Variants in RGS6 observed in about 807,000 individuals in gnomAD.
The protein encoded by RGS6 is regulator of G-protein signaling 6.
Under a neutral mutation model 78.5 loss-of-function variants are expected in RGS6, and 30 were observed. The observed-to-expected ratio is 0.38, with a 90% confidence interval of 0.29 to 0.52. The LOEUF (loss-of-function observed/expected upper bound fraction) is 0.52. Among genes scored for constraint, RGS6 ranks in the 20% least tolerant of loss-of-function variants. The pLI is 0.85. For missense variants in RGS6, 495 were observed against 609.7 expected (o/e 0.81, Z 1.98); for synonymous variants, 206 against 206.0 (o/e 1.00, Z 0.00).
At chr14:72,044,726 A>T (rs544504590) in intron 2 of RGS6, among the ~76,000 whole-genome samples, 13 of 152,002 alleles carry the variant, frequency 8.6e-5, no homozygotes, top group Non-Finnish European at 1.8e-4. Flanking sequence ...CAAAAAAATA[A>T]GCTGAGTGTG....
chr14:72,318,042 C>A (rs925435865), intron 2 of RGS6, among the ~76,000 whole-genome samples: 1 of 152,118 alleles, frequency 6.6e-6, no homozygotes, highest in African/African-American at 2.4e-5. Flanking sequence ...TATAACCAAA[C>A]CCAAGCAGAG....
At chr14:72,413,793 G>A (rs1322124886) in intron 3 of RGS6, among the ~76,000 whole-genome samples, 1 of 152,136 alleles carries the variant, frequency 6.6e-6, no homozygotes, top group African/African-American at 2.4e-5. Flanking sequence ...GCATTTGCTT[G>A]TCTGTAAAGT....
chr14:71,881,416 T>G, the RGS6 span, among the ~76,000 whole-genome samples: 1 of 152,138 alleles, frequency 6.6e-6, no homozygotes, highest in Non-Finnish European at 1.5e-5. Flanking sequence ...CCCACCCAAA[T>G]CTCATCTTGT....
intron 2 of RGS6, among the ~76,000 whole-genome samples, chr14:72,150,212 G>A (rs935243847): frequency 6.6e-6 from 1 of 152,128 alleles, no homozygotes; most frequent in Non-Finnish European, 1.5e-5. Context: ...AAGCAAAGAA[G>A]CCCATGGGGA....
chr14:72,590,030 A>G, the RGS6 span, among the ~76,000 whole-genome samples: 3 of 152,226 alleles, frequency 2.0e-5, no homozygotes, highest in African/African-American at 7.2e-5. Context: ...GGCCAGTAAC[A>G]CATGAAAAGA....
At chr14:72,318,756 A>T (rs2239251) in intron 2 of RGS6, among the ~76,000 whole-genome samples, 18,640 of 152,202 alleles carry the variant, frequency 0.12, 1,151 homozygotes, top group East Asian at 0.17. Flanking sequence ...TGGCAAGGGT[A>T]TTGCAAGACT....
chr14:71,890,358 C>CAGACAGAGAGAGAGAGAGAGAGAG, the RGS6 span, among the ~76,000 whole-genome samples: 84 of 133,086 alleles, frequency 6.3e-4, no homozygotes, highest in African/African-American at 1.9e-3. Context: ...GTGCATAAGA[C>CAGACAGAGAGAGAGAGAGAGAGAG]AGAGAGAGAG....
intron 3 of RGS6, among the ~76,000 whole-genome samples, chr14:72,398,161 G>A (rs973251508): frequency 6.6e-6 from 1 of 152,130 alleles, no homozygotes; most frequent in African/African-American, 2.4e-5. Flanking sequence ...GTAGAATTCG[G>A]CTGTGAATCC....
intron 4 of RGS6, 109 bp from the exon 5 acceptor site, chr14:72,458,162 A>C: frequency 1.2e-6 from 1 of 805,250 alleles, no homozygotes; most frequent in Non-Finnish European, 2.0e-6. Context: ...TTGTATCATC[A>C]ACACAGACAT....
chr14:72,277,325 C>CAT (rs2060837965), intron 2 of RGS6, among the ~76,000 whole-genome samples: 1 of 152,110 alleles, frequency 6.6e-6, no homozygotes, highest in Non-Finnish European at 1.5e-5. Flanking sequence ...TAGCCGGGTG[C>CAT]GGTGGCTCAC....
chr14:72,025,003 A>G (rs955470171), intron 2 of RGS6, among the ~76,000 whole-genome samples: 1 of 152,204 alleles, frequency 6.6e-6, no homozygotes, highest in South Asian at 2.1e-4. Context: ...AAACCTAATT[A>G]AGGGTACTAG....
rs1426823027 is a variant in RGS6, at chr14:72,073,902, A to G, written c.84+109027A>G. On this transcript the variant is annotated intron_variant, in intron 2 of 17. Transcript: ENST00000553525. Reference sequence around the variant, plus strand: ...TATTATTGGATATTCTCTCAAAAGTATCTTGGGGGCTAAGATTTTAAATTA... The same window carrying G: ...TATTATTGGATATTCTCTCAAAAGTGTCTTGGGGGCTAAGATTTTAAATTA... Among the ~76,000 whole-genome samples the G allele has an allele frequency of 2.0e-5, 3 of 152,210 alleles. No homozygotes were observed. The East Asian group carries it at 5.8e-4, about 29-fold the overall frequency.
chr14:72,540,935 G>A (rs1486116831), intron 17 of RGS6: 5 of 985,306 alleles, frequency 5.1e-6, no homozygotes, highest in Non-Finnish European at 2.4e-6. Context: ...GTTCCCTGGG[G>A]TGCATGGCTG....
At chr14:72,113,566 A>G (rs2095819999) in intron 2 of RGS6, among the ~76,000 whole-genome samples, 1 of 152,234 alleles carries the variant, frequency 6.6e-6, no homozygotes, top group Admixed American at 6.5e-5. Context: ...ATGTTCTAAC[A>G]GTTTGCTACT....
rs80220422 is a variant in RGS6 at position 72,386,629 on chromosome 14, G to A, written c.184+34435G>A. 1.4e-4 allele frequency among the ~76,000 whole-genome samples: 22 copies of A among 152,310 alleles called. No homozygotes were observed. In the East Asian group the frequency reaches 3.9e-3, roughly 27 times the overall value. ...GTCTGTGAGCAAAGGGCCAAGGCAA[G>A]GGGCAGGAGCTCAGATGCAGGCTGT... On this transcript the variant is annotated intron_variant, in intron 3 of 17. Transcript: ENST00000553525.
intron 1 of RGS6, among the ~76,000 whole-genome samples, chr14:71,952,531 G>A (rs2092421194): frequency 6.6e-6 from 1 of 151,410 alleles, no homozygotes; most frequent in Non-Finnish European, 1.5e-5. Context: ...GTAGGAATTG[G>A]TACTGTAAAT....
At chr14:72,342,678 C>T (rs747500756) in intron 2 of RGS6, among the ~76,000 whole-genome samples, 8 of 142,928 alleles carry the variant, frequency 5.6e-5, no homozygotes, top group Non-Finnish European at 9.0e-5. Flanking sequence ...TGCAGTGAGC[C>T]GAGGTCAGGC....
chr14:72,619,236 G>A, the RGS6 span: 4 of 1,508,496 alleles, frequency 2.7e-6, no homozygotes, highest in Non-Finnish European at 3.6e-6. Context: ...GCGCGTTCTG[G>A]TTTGAACTGG....
At chr14:72,373,348 A>G (rs1050006457) in intron 3 of RGS6, among the ~76,000 whole-genome samples, 2 of 152,214 alleles carry the variant, frequency 1.3e-5, no homozygotes, top group Non-Finnish European at 2.9e-5. Context: ...TGTTCTTGTC[A>G]TACAGCCAAA....
Sources: allele counts gnomAD v4.1 joint callset (sites outside exome capture counted in the v4.1 genomes callset), GRCh38; gene constraint gnomAD v4.1.1; transcripts MANE v1.5; gene names NCBI Gene and HGNC (gene_info 2026-07-23, HGNC 2026-07-21).